The following PPP2R2C variants were observed in gnomAD, a reference collection of about 807,000 sequenced individuals.
PPP2R2C encodes the protein protein phosphatase 2 regulatory subunit Bgamma.
A neutral mutation model predicts 45.3 loss-of-function variants in PPP2R2C; 10 were observed. The ratio of observed to expected loss-of-function variants is 0.22; its 90% CI spans 0.14 to 0.37. PPP2R2C has a LOEUF of 0.37. Among genes scored for constraint, PPP2R2C ranks in the 10% least tolerant of loss-of-function variants. PPP2R2C has a pLI of 1.00. For synonymous variants in PPP2R2C, 257 were observed against 245.4 expected (o/e 1.05, Z -0.44); for missense variants, 308 against 619.7 (o/e 0.50, Z 5.34).
At chr4:6,453,391 A>G (rs1301698053) in intron 1 of PPP2R2C, among the ~76,000 whole-genome samples, 5 of 151,660 alleles carry the variant, frequency 3.3e-5, no homozygotes, top group African/African-American at 1.2e-4. Context: ...ATCCATGGCA[A>G]CCCCCAGCCC....
intron 1 of PPP2R2C, among the ~76,000 whole-genome samples, chr4:6,539,607 A>T (rs1266203760): frequency 6.6e-6 from 1 of 151,960 alleles, no homozygotes; most frequent in Non-Finnish European, 1.5e-5. Context: ...AGGATAAAAA[A>T]TCTACCATTC....
intron 2 of PPP2R2C, among the ~76,000 whole-genome samples, chr4:6,493,031 T>C (rs886336255): frequency 1.3e-5 from 2 of 152,096 alleles, no homozygotes; most frequent in African/African-American, 4.8e-5. Flanking sequence ...CAGCTCAACA[T>C]GCATACCCTG....
intron 2 of PPP2R2C, among the ~76,000 whole-genome samples, chr4:6,525,537 G>T (rs564858237): frequency 6.6e-6 from 1 of 152,016 alleles, no homozygotes; most frequent in Non-Finnish European, 1.5e-5. Context: ...CAATGGGACC[G>T]GAGGTCAGAC....
At chr4:6,334,834 C>G (rs147132668) in intron 6 of PPP2R2C, among the ~76,000 whole-genome samples, 4 of 152,346 alleles carry the variant, frequency 2.6e-5, no homozygotes, top group Non-Finnish European at 5.9e-5. Flanking sequence ...GGAAGCAGAG[C>G]TGATCACAGC....
chr4:6,326,533 G>A (rs538201943), intron 8 of PPP2R2C, among the ~76,000 whole-genome samples: 1 of 152,292 alleles, frequency 6.6e-6, no homozygotes, highest in Admixed American at 6.5e-5. Context: ...GGTAACCTGG[G>A]GAAGGGCAGG....
At chr4:6,550,890 C>G (rs1725162794) in intron 1 of PPP2R2C, among the ~76,000 whole-genome samples, 1 of 152,234 alleles carries the variant, frequency 6.6e-6, no homozygotes, top group South Asian at 2.1e-4. Flanking sequence ...AAGTGATCCT[C>G]CCACCTCAGC....
intron 2 of PPP2R2C, among the ~76,000 whole-genome samples, chr4:6,530,911 G>A (rs983137510): frequency 5.9e-5 from 9 of 152,188 alleles, no homozygotes; most frequent in African/African-American, 2.2e-4. Flanking sequence ...TCACAGTGAG[G>A]CCCCAAATGT....
chr4:6,544,739 G>A (rs4689018), intron 1 of PPP2R2C, among the ~76,000 whole-genome samples: 145,890 of 152,274 alleles, frequency 0.96, 70,198 homozygotes, highest in East Asian at 1. Flanking sequence ...TCTTGAAATA[G>A]AAACTGCTGG....
intron 5 of PPP2R2C, chr4:6,350,585 G>C: frequency 2.0e-6 from 2 of 985,316 alleles, no homozygotes; most frequent in African/African-American, 1.7e-5. Flanking sequence ...ATAACTCATG[G>C]GGCGCAGTGG....
intron 1 of PPP2R2C, among the ~76,000 whole-genome samples, chr4:6,411,741 A>C (rs2109370126): frequency 6.6e-6 from 1 of 151,888 alleles, no homozygotes; most frequent in South Asian, 2.1e-4. Flanking sequence ...TTTAGTAGAG[A>C]CGGGGTTTCA....
At chr4:6,370,057 G>A (rs1277712030) in intron 5 of PPP2R2C, among the ~76,000 whole-genome samples, 2 of 152,200 alleles carry the variant, frequency 1.3e-5, no homozygotes, top group Non-Finnish European at 1.5e-5. Context: ...CAGGAAAACC[G>A]AGCAGCAATT....
Position 6,558,909 on chromosome 4 carries a change from C to T in PPP2R2C, c.-59+4651G>A, listed in dbSNP as rs1341846519. 3.3e-5 allele frequency among the ~76,000 whole-genome samples: 5 copies of T among 152,252 alleles called. No individual in the cohort carries two copies. The East Asian group carries it at 7.7e-4, about 24-fold the overall frequency. On this transcript the variant is annotated intron_variant, in intron 1 of 9. Coordinates refer to the PPP2R2C transcript ENST00000506140. ...AGCCCAGCGTCATCTTTTTTTCTGA[C>T]CTTGCACCCTCACAGGTGCCCATCC...
At position 6,355,953 on chromosome 4, in the gene PPP2R2C, C is replaced by T. The variant is rs116651390; in HGVS notation, c.626-7943G>A. Among the ~76,000 whole-genome samples the T allele has an allele frequency of 6.9e-3, 1,005 of 144,800 alleles. 8 individuals carry two copies. The highest frequency in any genetic ancestry group is 0.024 in the African/African-American group (938 of 38,872). 95.0% of individuals were successfully genotyped at this position (144,800 alleles called of 152,430 possible). On this transcript the variant is annotated intron_variant, in intron 5 of 8. Transcript: ENST00000382599. ...AGGTTGCAGTGAGCTGAGATCGTGC[C>T]ACGTATTCCGGCCTGGGTGACAGAG...
rs7437390 is a variant in PPP2R2C, at chr4:6,407,280, T to G, written c.71-26186A>C. On this transcript the variant is annotated intron_variant, in intron 1 of 8. Coordinates refer to ENST00000382599, the MANE Select transcript of PPP2R2C (RefSeq NM_020416.4). The stretch of plus-strand genomic sequence containing the variant: ...CATGGCCTTACAAGTGTGAGGCAAG[T>G]GGGGGAAGTCAACAATGACCCAGCA... 9.3e-3 allele frequency among the ~76,000 whole-genome samples: 1,415 copies of G among 152,334 alleles called. 17 individuals are homozygous for G. The highest frequency in any genetic ancestry group is 0.032 in the African/African-American group (1,333 of 41,572).
At chr4:6,398,000 T>G (rs1373277012) in intron 1 of PPP2R2C, among the ~76,000 whole-genome samples, 2 of 152,256 alleles carry the variant, frequency 1.3e-5, no homozygotes, top group East Asian at 3.8e-4. Flanking sequence ...CACAAGTCTG[T>G]GGTGAACTCA....
In PPP2R2C at chr4:6,324,556, A is replaced by C. The variant is rs374178512; in HGVS notation, c.1053-963T>G. ...GGAGGTAGACATGGAAGCAGCTGGG[A>C]CAGAAAACCACCAGGCCCTGCTTCC... On this transcript the variant is annotated intron_variant, in intron 8 of 8. Transcript: ENST00000382599. This position sits in a 1 kb window ranked among gnomAD's most constrained non-coding sequence, Gnocchi z 4.1. Among the ~76,000 whole-genome samples, 6 of 152,326 alleles carry C rather than the reference A, an allele frequency of 3.9e-5. No individual in the cohort carries two copies. The highest frequency in any genetic ancestry group is 1.9e-4 in the East Asian group (1 of 5,172).
intron 3 of PPP2R2C, among the ~76,000 whole-genome samples, chr4:6,376,804 ACGAG>A (rs1715340696): frequency 6.6e-6 from 1 of 152,108 alleles, no homozygotes; most frequent in East Asian, 1.9e-4. Flanking sequence ...TGGGGACAGG[ACGAG>A]GCTCCTGTCC....
chr4:6,550,311 C>T (rs1725141273), intron 1 of PPP2R2C, among the ~76,000 whole-genome samples: 3 of 152,046 alleles, frequency 2.0e-5, no homozygotes, highest in South Asian at 4.2e-4. Flanking sequence ...CAAGTCTGCC[C>T]CCTCCCCACA....
intron 2 of PPP2R2C, among the ~76,000 whole-genome samples, chr4:6,514,659 AG>A (rs1273402016): frequency 1.3e-5 from 2 of 152,252 alleles, no homozygotes; most frequent in African/African-American, 4.8e-5. Flanking sequence ...AAATTAGTGC[AG>A]GACAAGCACA....
Sources: allele counts gnomAD v4.1 joint callset (sites outside exome capture counted in the v4.1 genomes callset), GRCh38; gene constraint gnomAD v4.1.1; non-coding constraint Gnocchi (gnomAD v3.1); transcripts MANE v1.5; gene names NCBI Gene and HGNC (gene_info 2026-07-23, HGNC 2026-07-21).